Variants in DNTTIP1 observed in about 807,000 individuals in gnomAD.
DNTTIP1 encodes deoxynucleotidyltransferase terminal interacting protein 1, also known as deoxynucleotidyltransferase terminal-interacting protein 1.
In DNTTIP1, 22 loss-of-function variants were observed where a neutral mutation model predicts 52.9. That is an observed-to-expected ratio of 0.42 (90% CI 0.30 to 0.59). DNTTIP1 has a LOEUF of 0.59. Ranked by LOEUF, DNTTIP1 falls within the 20% of genes least tolerant of loss-of-function variation. DNTTIP1 has a pLI of 0.22. For missense variants in DNTTIP1, 286 were observed against 435.5 expected (o/e 0.66, Z 3.06); for synonymous variants, 136 against 155.1 (o/e 0.88, Z 0.92).
At chr20:45,803,738 T>G (rs1206644728) in intron 8 of DNTTIP1, among the ~76,000 whole-genome samples, 1 of 152,240 alleles carries the variant, frequency 6.6e-6, no homozygotes, top group African/African-American at 2.4e-5. Flanking sequence ...TGTGAACCAT[T>G]CTATAAATGA....
At chr20:45,801,867 T>A (rs1981483281) in intron 6 of DNTTIP1, 132 bp from the exon 7 acceptor site, 1 of 951,256 alleles carries the variant, frequency 1.1e-6, no homozygotes, top group Non-Finnish European at 1.7e-6. Flanking sequence ...AGAGGCAGTT[T>A]TTCTCCCTGT....
chr20:45,796,949 G>A (rs576405904), intron 4 of DNTTIP1, among the ~76,000 whole-genome samples: 5 of 151,936 alleles, frequency 3.3e-5, no homozygotes, highest in African/African-American at 7.3e-5. Context: ...CTCACCCCCC[G>A]CCTCTAACTG....
intron 10 of DNTTIP1, among the ~76,000 whole-genome samples, chr20:45,808,541 G>A (rs999056222): frequency 6.6e-6 from 1 of 152,124 alleles, no homozygotes; most frequent in Non-Finnish European, 1.5e-5. Flanking sequence ...TTGGGAGGCT[G>A]AGGCAGGAGA....
At chr20:45,807,646 G>A (rs528427585) in intron 10 of DNTTIP1, among the ~76,000 whole-genome samples, 2 of 152,238 alleles carry the variant, frequency 1.3e-5, no homozygotes, top group Admixed American at 1.3e-4. Flanking sequence ...AGGTAGTAGA[G>A]AGCAAAACAC....
chr20:45,806,355 C>CA (rs3080098), intron 10 of DNTTIP1, among the ~76,000 whole-genome samples: 52 of 131,718 alleles, frequency 3.9e-4, no homozygotes, highest in East Asian at 1.6e-3. Context: ...AACTCCATCT[C>CA]AAAAAAAAAA....
rs1568711112 is a variant in DNTTIP1, at chr20:45,810,878, G to GC, written c.796-5dup. 6.2e-7 allele frequency: 1 copy of GC among 1,614,040 alleles called. No homozygotes were observed. The highest frequency in any genetic ancestry group is 1.3e-5 in the African/African-American group (1 of 75,040). The stretch of plus-strand genomic sequence containing the variant: ...GCAATGACCACTCTCCCTTGCTCCT[G>GC]CCTCAGGCCTACCTCCTCATCGAGG... On this transcript the variant is annotated splice_polypyrimidine_tract_variant and splice_region_variant and intron_variant, in intron 11 of 12. Coordinates refer to ENST00000372622, the MANE Select transcript of DNTTIP1 (RefSeq NM_052951.3).
Position 45,799,070 on chromosome 20 carries a change from G to T in DNTTIP1, c.373-2004G>T, listed in dbSNP as rs79124769. 4.1e-3 allele frequency among the ~76,000 whole-genome samples: 627 copies of T among 152,306 alleles called. 2 individuals are homozygous for T. The highest frequency in any genetic ancestry group is 6.8e-3 in the Middle Eastern group (2 of 292). ...AATCCAATTATGGATTAGCAGCTTT[G>T]AGCCATCCAAGCATAGACATGGGGC... On this transcript the variant is annotated intron_variant, in intron 4 of 12. Transcript: ENST00000372622.
At chr20:45,801,320 C>G in intron 5 of DNTTIP1, 82 bp from the exon 6 acceptor site, 3 of 1,523,220 alleles carry the variant, frequency 2.0e-6, no homozygotes, top group Non-Finnish European at 2.7e-6. Flanking sequence ...GAGCTGTAGT[C>G]CAGGGCTGTC....
intron 4 of DNTTIP1, among the ~76,000 whole-genome samples, chr20:45,798,811 C>T (rs1981329922): frequency 1.3e-5 from 2 of 152,188 alleles, no homozygotes; most frequent in East Asian, 3.8e-4. Flanking sequence ...CCACTGTATT[C>T]CCAGCCCTGG....
Position 45,809,635 on chromosome 20 carries a change from GC to G in DNTTIP1, c.795+454del, listed in dbSNP as rs1241840891. Among the ~76,000 whole-genome samples the G allele has an allele frequency of 6.6e-6, 1 of 152,222 alleles. No homozygotes were observed. ...ATGAAATGTGTTTGCACACTTGGCA[GC>G]CCCTTCCAGATTTACCTCTACTTGA... On this transcript the variant is annotated intron_variant, in intron 11 of 12. Coordinates refer to ENST00000372622, the MANE Select transcript of DNTTIP1 (RefSeq NM_052951.3). The surrounding 1 kb of genome is among the most constrained non-coding windows in gnomAD (Gnocchi z 4.2).
intron 4 of DNTTIP1, chr20:45,796,378 A>G (rs1259193647): frequency 1.5e-5 from 6 of 390,814 alleles, no homozygotes; most frequent in Non-Finnish European, 3.1e-5. Context: ...AAAATTTTTA[A>G]AAGCAAAGCA....
intron 4 of DNTTIP1, among the ~76,000 whole-genome samples, chr20:45,799,041 C>T (rs929728814): frequency 1.3e-5 from 2 of 152,138 alleles, no homozygotes; most frequent in Non-Finnish European, 2.9e-5. Context: ...AGGAGAAGAG[C>T]ATGAATCCAA....
At position 45,793,910 on chromosome 20, in the gene DNTTIP1, C is replaced by G; in HGVS notation, c.177-11C>G. 1.9e-6 allele frequency: 3 copies of G among 1,572,310 alleles called. No homozygotes were observed. The highest frequency in any genetic ancestry group is 1.7e-6 in the Non-Finnish European group (2 of 1,156,180). Reference sequence around the variant, plus strand: ...ACATGCCCCCTCACCCTGTCTCCCTCCTGAATGCAGTTTCACAGATCCTGC... The same window carrying G: ...ACATGCCCCCTCACCCTGTCTCCCTGCTGAATGCAGTTTCACAGATCCTGC... On this transcript the variant is annotated splice_polypyrimidine_tract_variant and intron_variant, in intron 2 of 12. Transcript: ENST00000372622.
At chr20:45,801,198 C>A in intron 5 of DNTTIP1, 56 bp downstream of exon 5, 4 of 1,555,896 alleles carry the variant, frequency 2.6e-6, no homozygotes, top group Non-Finnish European at 3.5e-6. Context: ...GGCTGGGAGG[C>A]AAGTGAAATA....
At chr20:45,801,499 C>CT in intron 6 of DNTTIP1, 41 bp downstream of exon 6, 1 of 1,608,648 alleles carries the variant, frequency 6.2e-7, no homozygotes, top group South Asian at 1.1e-5. Flanking sequence ...TGAAAAAAGG[C>CT]TTGTCAGGCC....
chr20:45,807,935 G>C (rs1981702572), intron 10 of DNTTIP1, among the ~76,000 whole-genome samples: 1 of 152,094 alleles, frequency 6.6e-6, no homozygotes, highest in South Asian at 2.1e-4. Flanking sequence ...CTGGGCGACA[G>C]AGCAATACTC....
At position 45,803,396 on chromosome 20, in the gene DNTTIP1, T is replaced by C; in HGVS notation, c.603+18T>C. ...GCCCCAAGGTATGATTATGTGAGCA[T>C]GGCAGAGATCACGATCCCAGGAGAT... On this transcript the variant is annotated intron_variant, in intron 8 of 12. Coordinates refer to ENST00000372622, the MANE Select transcript of DNTTIP1 (RefSeq NM_052951.3). 6 of 1,614,048 alleles carry C rather than the reference T, an allele frequency of 3.7e-6. No individual in the cohort carries two copies. The highest frequency in any genetic ancestry group is 5.1e-6 in the Non-Finnish European group (6 of 1,179,944).
chr20:45,796,423 A>G, intron 4 of DNTTIP1: 1 of 467,552 alleles, frequency 2.1e-6, no homozygotes, highest in South Asian at 1.6e-5. Context: ...GACACATAAT[A>G]ATTAGAATAG....
At chr20:45,800,290 T>C (rs2145700814) in intron 4 of DNTTIP1, among the ~76,000 whole-genome samples, 1 of 152,258 alleles carries the variant, frequency 6.6e-6, no homozygotes, top group African/African-American at 2.4e-5. Flanking sequence ...TTTTCTTATT[T>C]TGCTTTTTTA....
Sources: gnomAD v4.1 joint callset for allele counts (sites outside exome capture counted in the v4.1 genomes callset) on GRCh38, gnomAD v4.1.1 for gene constraint, Gnocchi (gnomAD v3.1) non-coding constraint, MANE v1.5 for transcripts, NCBI Gene and HGNC (gene_info 2026-07-23, HGNC 2026-07-21) for gene names.